Variants in NFIA observed in about 807,000 individuals in gnomAD.
The protein encoded by NFIA is nuclear factor 1 A-type.
In NFIA, 8 loss-of-function variants were observed where a neutral mutation model predicts 62.8. The observed-to-expected ratio is 0.13, with a 90% CI of 0.07 to 0.23. NFIA has a LOEUF of 0.23. Among genes scored for constraint, NFIA ranks in the 10% least tolerant of loss-of-function variants. The pLI is 1.00. For missense variants in NFIA, 410 were observed against 642.1 expected, an observed-to-expected ratio of 0.64 and a Z score of 3.91; for synonymous variants, 235 against 238.1, an observed-to-expected ratio of 0.99 and a Z score of 0.12.
intron 2 of NFIA, among the ~76,000 whole-genome samples, chr1:61,184,033 A>G (rs1650942276): frequency 6.8e-6 from 1 of 147,310 alleles, no homozygotes; most frequent in Non-Finnish European, 1.5e-5. Flanking sequence ...GCCTGAGTGT[A>G]TGCCGAACTG....
At position 61,242,928 on chromosome 1, in the gene NFIA, G is replaced by T. The variant is rs12082781; in HGVS notation, c.560-34592G>T. Reference sequence around the variant, plus strand: ...AATCTATAGCTTTAGGATTTGTTCAGTCATGGAGCCCTTAGGTGGTGTGTA... The same window carrying T: ...AATCTATAGCTTTAGGATTTGTTCATTCATGGAGCCCTTAGGTGGTGTGTA... On this transcript the variant is annotated intron_variant, in intron 2 of 10. Transcript: ENST00000403491. 4.1e-3 allele frequency among the ~76,000 whole-genome samples: 630 copies of T among 152,134 alleles called. 6 individuals are homozygous for T. The highest frequency in any genetic ancestry group is 0.015 in the African/African-American group (603 of 41,500).
chr1:61,214,670 C>T (rs1653494729), intron 2 of NFIA, among the ~76,000 whole-genome samples: 1 of 152,154 alleles, frequency 6.6e-6, no homozygotes, highest in Middle Eastern at 3.2e-3. Context: ...TATGACAAGA[C>T]CTCTGTCCCC....
chr1:61,251,767 G>A (rs1160381491), intron 2 of NFIA, among the ~76,000 whole-genome samples: 1 of 152,080 alleles, frequency 6.6e-6, no homozygotes, highest in Non-Finnish European at 1.5e-5. Context: ...TTTAAAAACT[G>A]CTTCAGCAAT....
intron 7 of NFIA, among the ~76,000 whole-genome samples, chr1:61,390,035 C>T (rs1664891859): frequency 6.6e-6 from 1 of 152,122 alleles, no homozygotes; most frequent in Non-Finnish European, 1.5e-5. Flanking sequence ...GAGTGCTTGC[C>T]TCCTGGAGGA....
chr1:61,330,443 C>CCCCCCACA (rs554691317), intron 3 of NFIA, among the ~76,000 whole-genome samples: 3 of 90,618 alleles, frequency 3.3e-5, no homozygotes, highest in African/African-American at 9.5e-5. Flanking sequence ...TACACCCCCC[C>CCCCCCACA]CACACACACA....
chr1:61,109,670 A>C (rs574326740), intron 2 of NFIA, among the ~76,000 whole-genome samples: 5 of 152,116 alleles, frequency 3.3e-5, no homozygotes, highest in African/African-American at 1.2e-4. Context: ...GGTGTAACAC[A>C]GAAAATAACA....
chr1:61,389,713 A>C (rs1410049574), intron 7 of NFIA, among the ~76,000 whole-genome samples: 1 of 151,732 alleles, frequency 6.6e-6, no homozygotes, highest in Non-Finnish European at 1.5e-5. Flanking sequence ...ATCTTTTGAT[A>C]ATCATAATAT....
At chr1:61,197,598 G>C (rs1258503669) in intron 2 of NFIA, among the ~76,000 whole-genome samples, 1 of 151,944 alleles carries the variant, frequency 6.6e-6, no homozygotes, top group Non-Finnish European at 1.5e-5. Flanking sequence ...GATAAAGAAG[G>C]ATTCAAATAT....
At chr1:61,273,089 T>C (rs1327983661) in intron 2 of NFIA, among the ~76,000 whole-genome samples, 1 of 152,154 alleles carries the variant, frequency 6.6e-6, no homozygotes, top group Non-Finnish European at 1.5e-5. Flanking sequence ...AGGAATGACA[T>C]CGGTTTGTTT....
rs573694648 is a variant in NFIA at position 61,103,756 on chromosome 1, A to G, written c.559+15076A>G. Among the ~76,000 whole-genome samples, 9 of 152,284 alleles carry G rather than the reference A, an allele frequency of 5.9e-5. 1 individual carries two copies. Among genetic ancestry groups the G allele is most frequent in the Middle Eastern group, 6.8e-3 (2 of 294 alleles). Reference sequence around the variant, plus strand: ...TTACCTTAGGACTGAATTTAAGCCTATGTTTTTTACAGAATGATTTTCCTT... The same window carrying G: ...TTACCTTAGGACTGAATTTAAGCCTGTGTTTTTTACAGAATGATTTTCCTT... On this transcript the variant is annotated intron_variant, in intron 2 of 10. Transcript: ENST00000403491.
chr1:61,234,307 C>T (rs1247931901), intron 2 of NFIA, among the ~76,000 whole-genome samples: 1 of 140,756 alleles, frequency 7.1e-6, no homozygotes, highest in Non-Finnish European at 1.5e-5. Flanking sequence ...GCGGAGGTTG[C>T]GGTGAACCGA....
intron 2 of NFIA, among the ~76,000 whole-genome samples, chr1:61,169,669 T>C (rs983221721): frequency 2.2e-4 from 34 of 152,242 alleles, no homozygotes; most frequent in Non-Finnish European, 4.4e-5. Flanking sequence ...ACTGTGTTAC[T>C]TACTGGGGAA....
chr1:61,420,449 C>T (rs1192215501), intron 9 of NFIA, among the ~76,000 whole-genome samples: 7 of 152,080 alleles, frequency 4.6e-5, no homozygotes, highest in African/African-American at 1.4e-4. Context: ...TATTTAGCCA[C>T]CTCCTTGTTT....
rs560776976 is a variant in NFIA at position 61,422,881 on chromosome 1, A to G, written c.1421-3584A>G. On this transcript the variant is annotated intron_variant, in intron 9 of 10. Coordinates refer to ENST00000403491, the MANE Select transcript of NFIA (RefSeq NM_001134673.4). The stretch of plus-strand genomic sequence containing the variant: ...GCATCCTCAGAGGCCCTGTCAAACT[A>G]TTGTTCATAAAGAGAGAACTGTTCT... Among the ~76,000 whole-genome samples, 28 of 152,060 alleles carry G rather than the reference A, an allele frequency of 1.8e-4. No homozygotes were observed. In the South Asian group the frequency reaches 5.8e-3, roughly 32 times the overall value.
intron 4 of NFIA, among the ~76,000 whole-genome samples, chr1:61,333,918 C>T (rs1407010784): frequency 6.6e-6 from 1 of 152,102 alleles, no homozygotes; most frequent in Non-Finnish European, 1.5e-5. Flanking sequence ...GACAATTGCT[C>T]GAACCCGGAG....
At chr1:61,283,689 A>T (rs1456336889) in intron 3 of NFIA, among the ~76,000 whole-genome samples, 3 of 150,124 alleles carry the variant, frequency 2.0e-5, no homozygotes, top group African/African-American at 4.9e-5. Flanking sequence ...TTTGATGAAC[A>T]TTTTTTTATC....
chr1:61,412,593 T>C (rs1569811205), intron 9 of NFIA, among the ~76,000 whole-genome samples: 2 of 152,016 alleles, frequency 1.3e-5, no homozygotes, highest in East Asian at 3.9e-4. Context: ...CATCTCTGGG[T>C]GAGGGGTGGA....
At chr1:61,367,675 A>T (rs1460401257) in intron 6 of NFIA, among the ~76,000 whole-genome samples, 1 of 152,140 alleles carries the variant, frequency 6.6e-6, no homozygotes, top group Non-Finnish European at 1.5e-5. Flanking sequence ...ACCCTTCAAA[A>T]ATCCCTTGCC....
chr1:61,357,021 C>T (rs1407463565), intron 5 of NFIA, among the ~76,000 whole-genome samples: 2 of 152,188 alleles, frequency 1.3e-5, no homozygotes, highest in Non-Finnish European at 2.9e-5. Flanking sequence ...CCTGTCATTC[C>T]CTGTTTAGAT....
Sources: gnomAD v4.1 joint callset for allele counts (sites outside exome capture counted in the v4.1 genomes callset) on GRCh38, gnomAD v4.1.1 for gene constraint, MANE v1.5 for transcripts, NCBI Gene and HGNC (gene_info 2026-07-23, HGNC 2026-07-21) for gene names.